STON2: variants seen among roughly 807,000 people sequenced by gnomAD.
STON2 encodes stonin 2.
A neutral mutation model predicts 65.7 loss-of-function variants in STON2; 29 were observed. The observed-to-expected ratio is 0.44, with a 90% CI of 0.33 to 0.60. STON2 has a LOEUF of 0.60. STON2 is among the 20% of genes least tolerant of loss of function. The pLI is 0.03. For missense variants in STON2, 1,054 were observed against 1,118.1 expected (o/e 0.94, Z 0.82); for synonymous variants, 404 against 414.2 (o/e 0.98, Z 0.30).
intron 3 of STON2, among the ~76,000 whole-genome samples, chr14:81,377,386 A>G (rs552878035): frequency 6.6e-6 from 1 of 151,148 alleles, no homozygotes; most frequent in East Asian, 1.9e-4. Context: ...CATGATATAC[A>G]TATATCAGTT....
intron 4 of STON2, among the ~76,000 whole-genome samples, chr14:81,324,933 A>T (rs1190119568): frequency 3.9e-5 from 6 of 152,166 alleles, no homozygotes. Flanking sequence ...TACTTGCCTC[A>T]ATTAACCCTA....
At chr14:81,281,089 C>T (rs1021385310) in intron 5 of STON2, among the ~76,000 whole-genome samples, 2 of 151,466 alleles carry the variant, frequency 1.3e-5, no homozygotes, top group East Asian at 3.9e-4. Flanking sequence ...ATACACATAT[C>T]CATACCCACC....
intron 4 of STON2, among the ~76,000 whole-genome samples, chr14:81,342,069 G>C (rs1897633357): frequency 6.6e-6 from 1 of 152,078 alleles, no homozygotes; most frequent in African/African-American, 2.4e-5. Flanking sequence ...AACCACGCTA[G>C]ACTGTTAAAT....
chr14:81,284,291 A>G lies in STON2; in HGVS notation c.743-5552T>C, dbSNP rs113760323. ...TGAACAAGGCATGTCAAAAGCGGAG[A>G]CAGGCCAAAAGCTAGGCCTTCCATG... On this transcript the variant is annotated intron_variant, in intron 5 of 7. Transcript: ENST00000614646. Among the ~76,000 whole-genome samples the G allele has an allele frequency of 9.5e-4, 145 of 152,354 alleles. 3 individuals carry two copies. Among genetic ancestry groups the G allele is most frequent in the African/African-American group, 3.1e-3 (127 of 41,592 alleles).
intron 2 of STON2, chr14:81,412,979 CA>C: frequency 6.6e-6 from 7 of 1,058,512 alleles, no homozygotes; most frequent in Non-Finnish European, 8.4e-6. Context: ...CATGTGCGAC[CA>C]AAAGGCCGTG....
intron 5 of STON2, among the ~76,000 whole-genome samples, chr14:81,297,436 G>A (rs901635853): frequency 1.3e-5 from 2 of 152,290 alleles, no homozygotes; most frequent in East Asian, 3.9e-4. Flanking sequence ...GTATACTGCA[G>A]CATTTGGACT....
At chr14:81,381,757 CTTG>C (rs1391898123) in intron 3 of STON2, among the ~76,000 whole-genome samples, 3 of 152,252 alleles carry the variant, frequency 2.0e-5, no homozygotes, top group East Asian at 3.9e-4. Context: ...TAGAAAATGG[CTTG>C]TTGTTATCTG....
At chr14:81,303,518 A>C (rs1310302340) in intron 5 of STON2, among the ~76,000 whole-genome samples, 2 of 152,182 alleles carry the variant, frequency 1.3e-5, no homozygotes, top group Admixed American at 6.5e-5. Context: ...GACACACTGA[A>C]ACAGGTTCCA....
chr14:81,379,884 T>C (rs116748815), intron 3 of STON2, among the ~76,000 whole-genome samples: 2,929 of 152,234 alleles, frequency 0.019, 114 homozygotes, highest in African/African-American at 0.068. Flanking sequence ...CATGAAACTA[T>C]AAAAACCCTA....
In STON2 at chr14:81,278,032, C is replaced by A; in HGVS notation, c.1450G>T (p.Gly484Trp). The A allele has an allele frequency of 6.2e-7, 1 of 1,614,194 alleles. No homozygotes were observed. Among genetic ancestry groups the A allele is most frequent in the South Asian group, 1.1e-5 (1 of 91,082 alleles). ...GGGATCCTCAACATCATTGGCCACC[C>A]GTCACGAGGCTGGGACCGTGCTGAT... is the stretch of plus-strand genomic sequence containing the variant. ...PGSARSQPRD[G>W]WPMMLRIPEK... Residue 484 changes from glycine to tryptophan, a missense_variant, in exon 6 of 8, where the codon GGG becomes TGG. By Grantham distance (184) the Gly-to-Trp change is radical. Coordinates refer to ENST00000614646, the MANE Select transcript of STON2 (RefSeq NM_001394390.1).
intron 5 of STON2, among the ~76,000 whole-genome samples, chr14:81,309,502 A>T (rs539344051): frequency 4.5e-4 from 69 of 152,288 alleles, no homozygotes; most frequent in Non-Finnish European, 8.2e-4. Flanking sequence ...TAAATCACTT[A>T]ATTATCCTTG....
chr14:81,395,932 GC>G lies in STON2; in HGVS notation c.334del (p.Ala112ProfsTer17). The G allele has an allele frequency of 6.2e-7, 1 of 1,614,074 alleles. No homozygotes were observed. The highest frequency in any genetic ancestry group is 8.5e-7 in the Non-Finnish European group (1 of 1,180,008). On this transcript the variant is annotated frameshift_variant, in exon 3 of 8. Transcript: ENST00000614646. LOFTEE classifies it high-confidence loss of function. ...TTCCTGATGAGGTGGAGATGTGCTG[GC>G]CCAGGGTGTGTCATCTTCAAACTGA... Reference protein sequence around the residue: ...WVQFEDDTPWASTSPPHQETA... With the variant: ...WVQFEDDTPWXSTSPPHQETA...
intron 3 of STON2, among the ~76,000 whole-genome samples, chr14:81,372,382 G>A (rs1899040000): frequency 6.6e-6 from 1 of 151,832 alleles, no homozygotes; most frequent in African/African-American, 2.4e-5. Flanking sequence ...GCAAAACCCC[G>A]TCTCTGCTAA....
Position 81,266,905 on chromosome 14 carries a change from C to T in STON2, c.*1509G>A. The T allele has an allele frequency of 6.1e-6, 6 of 981,600 alleles. No individual in the cohort carries two copies. The highest frequency in any genetic ancestry group is 6.0e-6 in the Non-Finnish European group (5 of 826,480). 60.8% of individuals were successfully genotyped at this position (981,600 alleles called of 1,614,324 possible). ...TAAAAACCCAGAATATAGGGTTTCT[C>T]ATTAATGCCTATTCAATCATCATTT... On this transcript the variant is annotated 3_prime_UTR_variant, in exon 8 of 8. Transcript: ENST00000614646.
chr14:81,429,129 C>T (rs1902122470), intron 1 of STON2, among the ~76,000 whole-genome samples: 1 of 152,266 alleles, frequency 6.6e-6, no homozygotes, highest in South Asian at 2.1e-4. Context: ...GGGGTCACAG[C>T]TGAGAGCCCC....
intron 3 of STON2, among the ~76,000 whole-genome samples, chr14:81,384,430 T>G (rs192309932): frequency 6.6e-6 from 1 of 152,200 alleles, no homozygotes; most frequent in African/African-American, 2.4e-5. Flanking sequence ...GAGACAGGGT[T>G]TCACTATGTT....
At chr14:81,332,808 A>G (rs1897256188) in intron 4 of STON2, among the ~76,000 whole-genome samples, 2 of 152,234 alleles carry the variant, frequency 1.3e-5, no homozygotes, top group Admixed American at 6.5e-5. Flanking sequence ...TATTTATTAT[A>G]TCAGTCATTA....
rs1372233283 is a variant in STON2 at position 81,277,233 on chromosome 14, G to A, written c.2249C>T (p.Ala750Val). 1 of 1,614,040 alleles carries A rather than the reference G, an allele frequency of 6.2e-7. No individual in the cohort carries two copies. ...EKTLPFTLRT[A>V]TSVNGAEVEV... ...CACCTCTGCCCCATTGACACTTGTG[G>A]CCGTCCTGAGTGTGAAAGGCAAGGT... Residue 750 changes from alanine to valine, a missense_variant, in exon 6 of 8, where the codon GCC (alanine) becomes GTC (valine). By Grantham distance (64) the Ala-to-Val change is moderately conservative. Coordinates refer to ENST00000614646, the MANE Select transcript of STON2 (RefSeq NM_001394390.1).
Position 81,265,997 on chromosome 14 carries a change from C to T in STON2, c.*2417G>A. On this transcript the variant is annotated 3_prime_UTR_variant, in exon 8 of 8. Transcript: ENST00000614646. The stretch of plus-strand genomic sequence containing the variant: ...TTAATCTCAAAAGCCTTCAGTACAA[C>T]AGGGGAAGAGATATGCGTTGAAATT... The T allele has an allele frequency of 1.0e-6, 1 of 985,386 alleles. No individual in the cohort carries two copies. The highest frequency in any genetic ancestry group is 1.2e-6 in the Non-Finnish European group (1 of 829,916). 61.0% of individuals were successfully genotyped at this position (985,386 alleles called of 1,614,324 possible).
Sources: allele counts gnomAD v4.1 joint callset (sites outside exome capture counted in the v4.1 genomes callset), GRCh38; gene constraint gnomAD v4.1.1; transcripts MANE v1.5; gene names NCBI Gene and HGNC (gene_info 2026-07-23, HGNC 2026-07-21).